ARHGEF26: variants seen among roughly 807,000 people sequenced by gnomAD.
ARHGEF26 encodes the protein Rho guanine nucleotide exchange factor (GEF) 26.
In ARHGEF26, 59 loss-of-function variants were observed where a neutral mutation model predicts 89.4. That is an observed-to-expected ratio of 0.66 (90% confidence interval 0.54 to 0.82). The LOEUF (loss-of-function observed/expected upper bound fraction) is 0.82. ARHGEF26 is among the 40% of genes least tolerant of loss of function. ARHGEF26 has a pLI of 0.00. For missense variants in ARHGEF26, 1,234 were observed against 1,085.6 expected (o/e 1.14, Z -1.92); for synonymous variants, 500 against 428.4 (o/e 1.17, Z -2.06).
At chr3:154,241,066 T>G (rs1471795280) in intron 12 of ARHGEF26, among the ~76,000 whole-genome samples, 12 of 152,158 alleles carry the variant, frequency 7.9e-5, no homozygotes, top group Non-Finnish European at 1.5e-5. Context: ...TAAATCCTCT[T>G]TCTAATCCAG....
At position 154,121,836 on chromosome 3, in the gene ARHGEF26, C is replaced by G. The variant is rs1007905573; in HGVS notation, c.-51-106C>G. ...AAAGGGCGGGTAAGTGCGGTGCAGT[C>G]GTGTCCTGCGCAGCAGCAGGGGGAC... On this transcript the variant is annotated intron_variant, in intron 1 of 14. Transcript: ENST00000465093. The G allele has an allele frequency of 4.9e-5, 50 of 1,022,988 alleles. No individual in the cohort carries two copies. In the African/African-American group the frequency reaches 6.3e-4, roughly 13 times the overall value. 63.4% of individuals were successfully genotyped at this position (1,022,988 alleles called of 1,614,324 possible). A position where few individuals can be genotyped will look rare whatever the true frequency, so the allele number is the denominator to read the frequency against.
At chr3:154,203,314 A>G (rs1270984014) in intron 9 of ARHGEF26, among the ~76,000 whole-genome samples, 3 of 152,134 alleles carry the variant, frequency 2.0e-5, no homozygotes, top group African/African-American at 7.2e-5. Flanking sequence ...TGATTTGCAT[A>G]TATTGAACCA....
rs1718502706 is a variant in ARHGEF26, at chr3:154,256,338, T to C, written c.*865T>C. The C allele has an allele frequency of 1.1e-6, 1 of 875,618 alleles. No homozygotes were observed. The highest frequency in any genetic ancestry group is 5.3e-5 in the South Asian group (1 of 18,956). The allele number at this position is 875,618 out of a possible 1,614,324, so 54.2% of individuals were successfully genotyped here. ...CCTAGGTTCAAGTGATTCTCCTGCCTCAGCCTCCCAAGTAGCTGGGATTGT... is the reference window on the plus strand; with the variant it reads ...CCTAGGTTCAAGTGATTCTCCTGCCCCAGCCTCCCAAGTAGCTGGGATTGT... On this transcript the variant is annotated 3_prime_UTR_variant, in exon 15 of 15. Transcript: ENST00000465093.
chr3:154,252,797 G>A (rs769212845), intron 12 of ARHGEF26, among the ~76,000 whole-genome samples: 4 of 152,006 alleles, frequency 2.6e-5, no homozygotes, highest in Non-Finnish European at 5.9e-5. Flanking sequence ...TCAAATTATG[G>A]GTATGCTAAA....
chr3:154,217,262 G>A (rs1284160884), intron 9 of ARHGEF26, among the ~76,000 whole-genome samples: 1 of 150,884 alleles, frequency 6.6e-6, no homozygotes, highest in Non-Finnish European at 1.5e-5. Context: ...TTGTGGTTTT[G>A]ATTTGCATTT....
At chr3:154,177,615 G>C (rs1712906401) in intron 6 of ARHGEF26, among the ~76,000 whole-genome samples, 1 of 152,124 alleles carries the variant, frequency 6.6e-6, no homozygotes, top group Non-Finnish European at 1.5e-5. Flanking sequence ...AGTGGTTTCG[G>C]ATTGTGTTCC....
rs896317278 is a variant in ARHGEF26 at position 154,135,808 on chromosome 3, G to T, written c.1269+6089G>T. On this transcript the variant is annotated intron_variant, in intron 4 of 14. Transcript: ENST00000465093. ...TAGTAGGACCCCGGAAGTATTTATT[G>T]TCTTTTCTTTTAGATAGATTTTGAC... 1.4e-4 allele frequency among the ~76,000 whole-genome samples: 21 copies of T among 152,158 alleles called. 1 individual carries two copies. Among genetic ancestry groups the T allele is most frequent in the Admixed American group, 1.2e-3 (19 of 15,286 alleles).
chr3:154,140,701 C>T (rs1208174018), intron 4 of ARHGEF26, among the ~76,000 whole-genome samples: 1 of 151,610 alleles, frequency 6.6e-6, no homozygotes, highest in African/African-American at 2.4e-5. Context: ...CTGCCTCAGC[C>T]TCCTGAGGAG....
intron 2 of ARHGEF26, 29 bp from the exon 3 acceptor site, chr3:154,124,372 CTTTTTTTTT>C (rs10688646): frequency 7.9e-6 from 8 of 1,010,674 alleles, no homozygotes; most frequent in African/African-American, 4.1e-5. Context: ...TTTGCTTTTC[CTTTTTTTTT>C]TTTTTTTTTA....
At chr3:154,221,146 C>CA (rs112349744) in intron 10 of ARHGEF26, among the ~76,000 whole-genome samples, 27,937 of 132,442 alleles carry the variant, frequency 0.21, 2,792 homozygotes, top group South Asian at 0.39. Flanking sequence ...TTGTGTAAAA[C>CA]AAAAAAAAAA....
At chr3:154,254,655 A>C (rs930011879) in intron 13 of ARHGEF26, 65 bp from the exon 14 acceptor site, 26 of 1,246,146 alleles carry the variant, frequency 2.1e-5, no homozygotes, top group Non-Finnish European at 2.9e-5. Context: ...GTAAGTGTAC[A>C]TTATTGGATT....
chr3:154,128,920 T>C (rs944167936), intron 3 of ARHGEF26, among the ~76,000 whole-genome samples: 2 of 152,212 alleles, frequency 1.3e-5, no homozygotes, highest in African/African-American at 4.8e-5. Context: ...ATCAAAGTTA[T>C]TTGCTTATTT....
chr3:154,239,589 C>T (rs2108282111), intron 11 of ARHGEF26, among the ~76,000 whole-genome samples: 1 of 151,988 alleles, frequency 6.6e-6, no homozygotes, highest in Non-Finnish European at 1.5e-5. Flanking sequence ...TCTTTTAAGG[C>T]AAGAATGTGA....
intron 4 of ARHGEF26, among the ~76,000 whole-genome samples, chr3:154,137,033 C>G (rs1197300098): frequency 1.3e-5 from 2 of 152,120 alleles, no homozygotes; most frequent in Non-Finnish European, 2.9e-5. Flanking sequence ...TCTTTATAAA[C>G]AAAAATAGAG....
At position 154,217,151 on chromosome 3, in the gene ARHGEF26, A is replaced by G. The variant is rs577070724; in HGVS notation, c.1846-718A>G. On this transcript the variant is annotated intron_variant, in intron 9 of 14. Coordinates refer to ENST00000465093, the MANE Select transcript of ARHGEF26 (RefSeq NM_015595.4). The stretch of plus-strand genomic sequence containing the variant: ...GTTGAACTAGTTTACAGTCCCACCA[A>G]CAGTGTAAAAGTGTTCCTATTTCTC... Among the ~76,000 whole-genome samples, 273 of 151,390 alleles carry G rather than the reference A, an allele frequency of 1.8e-3. 1 individual carries two copies. Among genetic ancestry groups the G allele is most frequent in the African/African-American group, 6.0e-3 (246 of 41,290 alleles).
At chr3:154,209,300 C>T (rs750276658) in intron 9 of ARHGEF26, among the ~76,000 whole-genome samples, 53 of 152,032 alleles carry the variant, frequency 3.5e-4, no homozygotes, top group Non-Finnish European at 6.6e-4. Flanking sequence ...TCATGTTTTC[C>T]TGGATGGTGT....
At position 154,217,733 on chromosome 3, in the gene ARHGEF26, A is replaced by T. The variant is rs1344144476; in HGVS notation, c.1846-136A>T. Reference sequence around the variant, plus strand: ...ACTGGATACGAATGTCTTAACTGTGAAAAACTGTGAGTTCTCTGTCAGAAA... The same window carrying T: ...ACTGGATACGAATGTCTTAACTGTGTAAAACTGTGAGTTCTCTGTCAGAAA... On this transcript the variant is annotated intron_variant, in intron 9 of 14. Transcript: ENST00000465093. The T allele has an allele frequency of 7.3e-6, 5 of 685,944 alleles. No homozygotes were observed. The Admixed American group carries it at 1.3e-4, about 18-fold the overall frequency. The allele number at this position is 685,944 out of a possible 1,614,324, so 42.5% of individuals were successfully genotyped here. A position where few individuals can be genotyped will look rare whatever the true frequency, so the allele number is the denominator to read the frequency against.
chr3:154,239,025 G>C (rs1447636053), intron 11 of ARHGEF26, among the ~76,000 whole-genome samples: 2 of 152,104 alleles, frequency 1.3e-5, no homozygotes, highest in Non-Finnish European at 2.9e-5. Context: ...GAAAGGCCAT[G>C]CTGGTTAGAG....
intron 3 of ARHGEF26, among the ~76,000 whole-genome samples, chr3:154,129,254 A>C (rs1255548622): frequency 1.3e-5 from 2 of 152,176 alleles, no homozygotes; most frequent in Non-Finnish European, 2.9e-5. Context: ...CCTTAAATAA[A>C]AGATAGGATG....
Sources: allele counts gnomAD v4.1 joint callset (sites outside exome capture counted in the v4.1 genomes callset), GRCh38; gene constraint gnomAD v4.1.1; transcripts MANE v1.5; gene names NCBI Gene and HGNC (gene_info 2026-07-23, HGNC 2026-07-21).